Variants in ZBTB8OS observed in about 807,000 individuals in gnomAD.
The protein encoded by ZBTB8OS is tRNA splicing ligase complex subunit 1, also known as tRNA-splicing ligase-activating factor archease.
ZBTB8OS carries 16 observed loss-of-function variants against 29.3 expected under a neutral mutation model. The observed-to-expected ratio is 0.55, with a 90% CI of 0.37 to 0.83. The LOEUF (loss-of-function observed/expected upper bound fraction) is 0.83, where lower values mean the gene tolerates loss of function less well. Ranked by LOEUF, ZBTB8OS falls within the 40% of genes least tolerant of loss-of-function variation. The pLI, the probability that ZBTB8OS is intolerant of heterozygous loss-of-function variation, is 0.00. For missense variants in ZBTB8OS, 160 were observed against 196.9 expected, an observed-to-expected ratio of 0.81 and a Z score of 1.12; for synonymous variants, 70 against 64.6, an observed-to-expected ratio of 1.08 and a Z score of -0.40.
At chr1:32,643,521 T>TA (rs1442822578) in intron 1 of ZBTB8OS, among the ~76,000 whole-genome samples, 1 of 151,128 alleles carries the variant, frequency 6.6e-6, no homozygotes, top group African/African-American at 2.4e-5. Context: ...AGCCTCTAGG[T>TA]AGCTGGGACT....
At chr1:32,629,409 C>T (rs1486171213) in intron 5 of ZBTB8OS, among the ~76,000 whole-genome samples, 1 of 151,848 alleles carries the variant, frequency 6.6e-6, no homozygotes, top group Non-Finnish European at 1.5e-5. Context: ...AAGCAAAACC[C>T]TCTCTCAAAA....
At chr1:32,626,333 T>C (rs752243052) in intron 6 of ZBTB8OS, among the ~76,000 whole-genome samples, 13 of 152,208 alleles carry the variant, frequency 8.5e-5, no homozygotes, top group Non-Finnish European at 1.8e-4. Flanking sequence ...GCATAGGTTA[T>C]AGCATCTAGG....
chr1:32,634,137 G>A (rs771339726), intron 2 of ZBTB8OS, 65 bp from the exon 3 acceptor site: 5 of 1,326,670 alleles, frequency 3.8e-6, no homozygotes, highest in African/African-American at 3.0e-5. Context: ...TTGATAGCAG[G>A]CAAAGTCAAA....
At chr1:32,626,515 A>G (rs1197850677) in intron 6 of ZBTB8OS, among the ~76,000 whole-genome samples, 1 of 152,130 alleles carries the variant, frequency 6.6e-6, no homozygotes, top group Non-Finnish European at 1.5e-5. Flanking sequence ...ACAGTCCCAT[A>G]AAGTAAGAGT....
chr1:32,629,612 C>T (rs1406053191), intron 5 of ZBTB8OS, among the ~76,000 whole-genome samples: 1 of 152,106 alleles, frequency 6.6e-6, no homozygotes, highest in Non-Finnish European at 1.5e-5. Flanking sequence ...GAAAAGTAAT[C>T]TAGAACTTAG....
intron 6 of ZBTB8OS, among the ~76,000 whole-genome samples, chr1:32,624,336 A>G (rs1570440873): frequency 6.6e-6 from 1 of 152,076 alleles, no homozygotes; most frequent in African/African-American, 2.4e-5. Flanking sequence ...CACTTCTCCC[A>G]CTACATTTTA....
chr1:32,650,585 A>T (rs760557000), upstream of ZBTB8OS: 3 of 1,613,550 alleles, frequency 1.9e-6, no homozygotes, highest in East Asian at 2.2e-5. Flanking sequence ...TTCGGCCCGG[A>T]GTTACTACTT....
chr1:32,624,887 C>A (rs1196392103), intron 6 of ZBTB8OS, among the ~76,000 whole-genome samples: 2 of 135,536 alleles, frequency 1.5e-5, no homozygotes, highest in African/African-American at 5.5e-5. Flanking sequence ...GAGTAAGACT[C>A]CATCTCAAAA....
chr1:32,636,358 C>T (rs1031172153), intron 1 of ZBTB8OS, among the ~76,000 whole-genome samples: 1 of 152,198 alleles, frequency 6.6e-6, no homozygotes, highest in Non-Finnish European at 1.5e-5. Context: ...TTTGTCTGGG[C>T]AGCAGGCAAA....
chr1:32,647,447 AAAAAAG>A (rs1320325097), intron 1 of ZBTB8OS, among the ~76,000 whole-genome samples: 2 of 152,002 alleles, frequency 1.3e-5, no homozygotes, highest in Non-Finnish European at 2.9e-5. Context: ...AAAAAAAAAA[AAAAAAG>A]AAAAGAAAGA....
At chr1:32,622,721 A>G (rs1644840088) in intron 6 of ZBTB8OS, among the ~76,000 whole-genome samples, 1 of 151,936 alleles carries the variant, frequency 6.6e-6, no homozygotes, top group Admixed American at 6.6e-5. Flanking sequence ...TAAAAATAAA[A>G]GTTGGAAAGA....
intron 6 of ZBTB8OS, among the ~76,000 whole-genome samples, chr1:32,625,120 G>A (rs1192849631): frequency 1.3e-5 from 2 of 151,280 alleles, no homozygotes; most frequent in Non-Finnish European, 2.9e-5. Flanking sequence ...CTACTCGGGA[G>A]GCTGAGACAC....
At chr1:32,632,695 T>C (rs1645663932) in intron 4 of ZBTB8OS, among the ~76,000 whole-genome samples, 1 of 152,196 alleles carries the variant, frequency 6.6e-6, no homozygotes, top group Non-Finnish European at 1.5e-5. Context: ...GGAGGTATTC[T>C]AGAAAAATGT....
intron 6 of ZBTB8OS, among the ~76,000 whole-genome samples, chr1:32,626,906 C>T (rs1430280241): frequency 6.6e-6 from 1 of 152,248 alleles, no homozygotes; most frequent in Admixed American, 6.5e-5. Flanking sequence ...CATTTTGTTA[C>T]ATTTGAAAAT....
chr1:32,647,653 C>A (rs1646959295), intron 1 of ZBTB8OS, among the ~76,000 whole-genome samples: 2 of 152,210 alleles, frequency 1.3e-5, no homozygotes, highest in South Asian at 4.2e-4. Context: ...CTCATAGGAG[C>A]TTGAACACTA....
At chr1:32,628,551 C>T (rs1033907268) in intron 5 of ZBTB8OS, among the ~76,000 whole-genome samples, 2 of 150,996 alleles carry the variant, frequency 1.3e-5, no homozygotes, top group Non-Finnish European at 2.9e-5. Context: ...GCAGGAGAAT[C>T]GCTTGAGCCA....
intron 1 of ZBTB8OS, chr1:32,640,067 T>A (rs769605103): frequency 2.6e-5 from 4 of 152,106 alleles, no homozygotes; most frequent in Non-Finnish European, 5.9e-5. Flanking sequence ...AAATTATGGA[T>A]AATCTTTTTT....
At chr1:32,650,107 G>A (rs1427171474) in intron 1 of ZBTB8OS, among the ~76,000 whole-genome samples, 1 of 152,132 alleles carries the variant, frequency 6.6e-6, no homozygotes, top group African/African-American at 2.4e-5. Context: ...CTCACCGTTG[G>A]GAAATACATG....
At chr1:32,634,181 C>T in intron 2 of ZBTB8OS, 109 bp from the exon 3 acceptor site, 1 of 1,012,098 alleles carries the variant, frequency 9.9e-7, no homozygotes, top group South Asian at 3.1e-5. Flanking sequence ...AATTTTAAGG[C>T]CTCAATCAAT....
Sources: gnomAD v4.1 joint callset for allele counts (sites outside exome capture counted in the v4.1 genomes callset) on GRCh38, gnomAD v4.1.1 for gene constraint, MANE v1.5 for transcripts, NCBI Gene and HGNC (gene_info 2026-07-23, HGNC 2026-07-21) for gene names.